Variants in OPCML observed in about 807,000 individuals in gnomAD.
OPCML encodes opioid-binding protein/cell adhesion molecule.
Under a neutral mutation model 37.8 loss-of-function variants are expected in OPCML, and 13 were observed. The observed-to-expected ratio is 0.34, with a 90% CI of 0.22 to 0.55. The LOEUF is 0.55. Among genes scored for constraint, OPCML ranks in the 20% least tolerant of loss-of-function variants. The pLI is 0.91. For synonymous variants in OPCML, 176 were observed against 168.8 expected (o/e 1.04, Z -0.33); for missense variants, 341 against 435.6 (o/e 0.78, Z 1.93).
chr11:133,168,857 G>A (rs892688116), intron 1 of OPCML, among the ~76,000 whole-genome samples: 7 of 152,174 alleles, frequency 4.6e-5, no homozygotes, highest in Non-Finnish European at 8.8e-5. Context: ...GGCCAGGCAC[G>A]GTGGCTCACT....
chr11:132,681,982 C>T (rs931377841), intron 2 of OPCML, among the ~76,000 whole-genome samples: 12 of 151,996 alleles, frequency 7.9e-5, no homozygotes, highest in African/African-American at 2.7e-4. Context: ...CACTGATGCC[C>T]CACTGAGCTG....
At chr11:132,591,327 TTC>T (rs1555160370) in intron 3 of OPCML, among the ~76,000 whole-genome samples, 1 of 152,222 alleles carries the variant, frequency 6.6e-6, no homozygotes, top group Non-Finnish European at 1.5e-5. Context: ...AAGCCATTTT[TTC>T]TCTCTCTCAA....
intron 4 of OPCML, among the ~76,000 whole-genome samples, chr11:132,439,951 T>C (rs2096026939): frequency 6.6e-6 from 1 of 152,204 alleles, no homozygotes; most frequent in African/African-American, 2.4e-5. Flanking sequence ...CTCAGCCAGA[T>C]GCCTTAAAAG....
chr11:133,476,097 A>G lies in OPCML; in HGVS notation c.61+56167T>C, dbSNP rs1357320651. 1.3e-5 allele frequency among the ~76,000 whole-genome samples: 2 copies of G among 152,192 alleles called. 1 individual carries two copies. Among genetic ancestry groups the G allele is most frequent in the South Asian group, 4.1e-4 (2 of 4,826 alleles). ...ATATTCACACAGCTGTCACCACCCA[A>G]TTGACCTGGCAAAGTAAACAGGAGA... is the stretch of plus-strand genomic sequence containing the variant. On this transcript the variant is annotated intron_variant, in intron 1 of 7. Coordinates refer to ENST00000524381, the MANE Select transcript of OPCML (RefSeq NM_001012393.5).
At chr11:132,622,637 T>G (rs1939492622) in intron 3 of OPCML, among the ~76,000 whole-genome samples, 1 of 152,122 alleles carries the variant, frequency 6.6e-6, no homozygotes, top group South Asian at 2.1e-4. Flanking sequence ...AGCCAGGACC[T>G]CAGTGGAGGA....
rs142534862 is a variant in OPCML, at chr11:132,636,091, G to T, written c.379+20996C>A. Among the ~76,000 whole-genome samples, 658 of 152,194 alleles carry T rather than the reference G, an allele frequency of 4.3e-3. 4 individuals are homozygous for T. Among genetic ancestry groups the T allele is most frequent in the African/African-American group, 0.013 (546 of 41,508 alleles). ...TTGTGTATGCAAATGAGTGTTTTGCGCACCCAGTTACCTGCTTGCTGTATT... is the reference window on the plus strand; with the variant it reads ...TTGTGTATGCAAATGAGTGTTTTGCTCACCCAGTTACCTGCTTGCTGTATT... On this transcript the variant is annotated intron_variant, in intron 3 of 7. Coordinates refer to ENST00000524381, the MANE Select transcript of OPCML (RefSeq NM_001012393.5).
chr11:132,524,094 A>T (rs2096301668), intron 4 of OPCML, among the ~76,000 whole-genome samples: 1 of 152,196 alleles, frequency 6.6e-6, no homozygotes, highest in Non-Finnish European at 1.5e-5. Flanking sequence ...GCATTGCAAG[A>T]GGGGACGACT....
At chr11:132,447,323 G>A (rs1007869041) in intron 4 of OPCML, among the ~76,000 whole-genome samples, 5 of 152,138 alleles carry the variant, frequency 3.3e-5, no homozygotes, top group African/African-American at 4.8e-5. Context: ...TTGAGACAGA[G>A]TTTCACGCTC....
chr11:133,232,577 A>G (rs1250485247), intron 1 of OPCML, among the ~76,000 whole-genome samples: 1 of 151,568 alleles, frequency 6.6e-6, no homozygotes, highest in Admixed American at 6.6e-5. Flanking sequence ...AATTAAAAGA[A>G]AAAAAAAACC....
At chr11:133,254,963 C>T (rs1042445124) in intron 1 of OPCML, among the ~76,000 whole-genome samples, 42 of 152,080 alleles carry the variant, frequency 2.8e-4, no homozygotes, top group African/African-American at 9.7e-4. Context: ...GGCAGGAAAG[C>T]CAAATTAACG....
At chr11:132,954,367 G>A (rs201730382) in intron 1 of OPCML, among the ~76,000 whole-genome samples, 1 of 37,436 alleles carries the variant, frequency 2.7e-5, no homozygotes, top group African/African-American at 8.5e-5. Flanking sequence ...AAATTAGATC[G>A]GGTTCTTGGA....
At chr11:132,768,906 T>C (rs1402987381) in intron 2 of OPCML, among the ~76,000 whole-genome samples, 7 of 151,984 alleles carry the variant, frequency 4.6e-5, no homozygotes, top group Non-Finnish European at 1.0e-4. Flanking sequence ...GGGACACAGA[T>C]GAAAGGAGCA....
intron 1 of OPCML, among the ~76,000 whole-genome samples, chr11:132,955,190 T>C (rs1945951598): frequency 6.6e-6 from 1 of 152,120 alleles, no homozygotes; most frequent in Non-Finnish European, 1.5e-5. Flanking sequence ...CGGTTTTGTC[T>C]TATTTCATCT....
intron 4 of OPCML, among the ~76,000 whole-genome samples, chr11:132,455,419 G>A (rs997366602): frequency 6.6e-6 from 1 of 152,184 alleles, no homozygotes; most frequent in African/African-American, 2.4e-5. Flanking sequence ...TTCCCTGCAA[G>A]TAATAACCAC....
At chr11:132,582,976 G>C (rs2096465298) in intron 3 of OPCML, among the ~76,000 whole-genome samples, 1 of 151,214 alleles carries the variant, frequency 6.6e-6, no homozygotes, top group Non-Finnish European at 1.5e-5. Context: ...CTCCAGAGTA[G>C]CTGAGACTAT....
intron 1 of OPCML, among the ~76,000 whole-genome samples, chr11:133,202,085 G>A (rs1259835533): frequency 6.6e-6 from 1 of 152,150 alleles, no homozygotes; most frequent in Non-Finnish European, 1.5e-5. Flanking sequence ...GAACTGCTGT[G>A]AAAAGATAGA....
chr11:133,419,002 C>T (rs1477946520), intron 1 of OPCML, among the ~76,000 whole-genome samples: 4 of 152,184 alleles, frequency 2.6e-5, no homozygotes, highest in Non-Finnish European at 5.9e-5. Context: ...ATTTTCCACA[C>T]ACCTATGATT....
chr11:133,288,865 G>A (rs1212079910), intron 1 of OPCML, among the ~76,000 whole-genome samples: 1 of 152,162 alleles, frequency 6.6e-6, no homozygotes, highest in Non-Finnish European at 1.5e-5. Flanking sequence ...GTAATTAAGA[G>A]CATGCATTTG....
At chr11:132,454,397 C>A (rs182580373) in intron 4 of OPCML, among the ~76,000 whole-genome samples, 36 of 152,146 alleles carry the variant, frequency 2.4e-4, no homozygotes. Context: ...GGGTGAGGAC[C>A]GATGCTCAGT....
Sources: allele counts gnomAD v4.1 joint callset (sites outside exome capture counted in the v4.1 genomes callset), GRCh38; gene constraint gnomAD v4.1.1; transcripts MANE v1.5; gene names NCBI Gene and HGNC (gene_info 2026-07-23, HGNC 2026-07-21).